Variants in PFKM observed in about 807,000 individuals in gnomAD.
PFKM encodes the protein phosphofructokinase, muscle.
A neutral mutation model predicts 95.5 loss-of-function variants in PFKM; 58 were observed. That is an observed-to-expected ratio of 0.61 (90% CI 0.49 to 0.76). The LOEUF is 0.76. PFKM is among the 30% of genes least tolerant of loss of function. The pLI is 0.00. For synonymous variants in PFKM, 336 were observed against 357.2 expected, an observed-to-expected ratio of 0.94 and a Z score of 0.67; for missense variants, 678 against 1,005.4, an observed-to-expected ratio of 0.67 and a Z score of 4.40.
rs12826853 is a variant in PFKM, at chr12:48,134,789, A to G, written c.707A>G (p.Asp236Gly). 7 of 1,614,148 alleles carry G rather than the reference A, an allele frequency of 4.3e-6. No homozygotes were observed. Among genetic ancestry groups the G allele is most frequent in the Non-Finnish European group, 8.5e-7 (1 of 1,180,002 alleles). ...GTTTTTATTCCTGAATGTCCACCAGATGACGACTGGGAGGAACACCTTTGT... is the reference window on the plus strand; with the variant it reads ...GTTTTTATTCCTGAATGTCCACCAGGTGACGACTGGGAGGAACACCTTTGT... ...DWVFIPECPP[D>G]DDWEEHLCRR... Residue 236 changes from aspartate to glycine, a missense_variant, in exon 8 of 23, where the codon GAT becomes GGT. Coordinates refer to ENST00000359794, the MANE Select transcript of PFKM (RefSeq NM_000289.6).
intron 2 of PFKM, among the ~76,000 whole-genome samples, chr12:48,129,151 A>G (rs2135818267): frequency 6.6e-6 from 1 of 151,832 alleles, no homozygotes; most frequent in African/African-American, 2.4e-5. Flanking sequence ...AAAAAGGGAA[A>G]AGGATTGCCT....
At position 48,139,830 on chromosome 12, in the gene PFKM, C is replaced by CGA; in HGVS notation, c.1128-19_1128-18insGA. ...GGGAATGGCCTGAAGACACCTCTCT[C>CGA]TATTTGTACTTCCTACAGGAGCTTC... is the stretch of plus-strand genomic sequence containing the variant. On this transcript the variant is annotated intron_variant, in intron 12 of 22. Coordinates refer to ENST00000359794, the MANE Select transcript of PFKM (RefSeq NM_000289.6). 6.4e-7 allele frequency: 1 copy of CGA among 1,567,750 alleles called. No homozygotes were observed. Among genetic ancestry groups the CGA allele is most frequent in the Non-Finnish European group, 8.8e-7 (1 of 1,138,038 alleles).
At chr12:48,109,727 C>T (rs561319349) in intron 3 of PFKM, among the ~76,000 whole-genome samples, 2 of 152,204 alleles carry the variant, frequency 1.3e-5, no homozygotes, top group Admixed American at 6.5e-5. Context: ...CACTCTTAAC[C>T]CTTTCAGCTT....
chr12:48,116,205 CCTT>C (rs1036303566), upstream of PFKM, among the ~76,000 whole-genome samples: 13 of 148,014 alleles, frequency 8.8e-5, no homozygotes, highest in South Asian at 2.2e-4. Context: ...TTCCCTCCTT[CCTT>C]CTTTTCTCCT....
At chr12:48,113,875 C>T (rs538058080) in intron 3 of PFKM, among the ~76,000 whole-genome samples, 7 of 152,220 alleles carry the variant, frequency 4.6e-5, no homozygotes, top group Non-Finnish European at 7.4e-5. Flanking sequence ...AATAAGGTGG[C>T]CTTCTGGCCT....
exon 1 of PFKM, chr12:48,105,975 G>A (rs890926164): frequency 2.9e-6 from 2 of 699,660 alleles, no homozygotes; most frequent in South Asian, 1.5e-5. Context: ...ACAGTCTCCT[G>A]GACCAGGCTC....
At position 48,119,370 on chromosome 12, in the gene PFKM, C is replaced by G; in HGVS notation, c.-45C>G. 1 of 985,674 alleles carries G rather than the reference C, an allele frequency of 1.0e-6. No individual in the cohort carries two copies. Among genetic ancestry groups the G allele is most frequent in the Non-Finnish European group, 1.2e-6 (1 of 830,086 alleles). The allele number at this position is 985,674 out of a possible 1,614,324, so 61.1% of individuals were successfully genotyped here. A position where few individuals can be genotyped will look rare whatever the true frequency, so the allele number is the denominator to read the frequency against. On this transcript the variant is annotated 5_prime_UTR_variant, in exon 1 of 23. Coordinates refer to ENST00000359794, the MANE Select transcript of PFKM (RefSeq NM_000289.6). ...TCCCCCCTTTCCCAAGGACAATCTG[C>G]AAGAAAGCAGCGGCGGAGGAGAGCT...
chr12:48,119,747 C>T (rs1948030383), intron 1 of PFKM: 1 of 152,168 alleles, frequency 6.6e-6, no homozygotes, highest in Non-Finnish European at 1.5e-5. Flanking sequence ...TCCTCCCTGC[C>T]GCGTGCTTAT....
At chr12:48,136,154 CG>C (rs1950071326) in intron 10 of PFKM, among the ~76,000 whole-genome samples, 2 of 152,098 alleles carry the variant, frequency 1.3e-5, no homozygotes, top group Admixed American at 6.5e-5. Flanking sequence ...CCCAAAATGC[CG>C]GGATTACAGG....
chr12:48,142,507 G>GTT, intron 17 of PFKM: 1 of 494,342 alleles, frequency 2.0e-6, no homozygotes, highest in South Asian at 2.1e-5. Context: ...AATACCAAAT[G>GTT]TTTTGTTTGT....
At chr12:48,107,875 G>T (rs1322741030) in intron 2 of PFKM, among the ~76,000 whole-genome samples, 1 of 152,144 alleles carries the variant, frequency 6.6e-6, no homozygotes, top group East Asian at 1.9e-4. Flanking sequence ...AAAGTATCTA[G>T]TTATATGTTC....
intron 11 of PFKM, among the ~76,000 whole-genome samples, chr12:48,138,662 C>T (rs188378728): frequency 1.4e-3 from 207 of 152,298 alleles, no homozygotes; most frequent in Non-Finnish European, 2.5e-3. Context: ...TTCATTTACT[C>T]ATGACTTTAG....
chr12:48,121,325 C>A (rs1343286517), intron 1 of PFKM, among the ~76,000 whole-genome samples: 2 of 152,156 alleles, frequency 1.3e-5, no homozygotes, highest in East Asian at 1.9e-4. Context: ...ATCTATAGGA[C>A]CAACAGTTGA....
intron 4 of PFKM, chr12:48,131,877 TC>T: frequency 2.7e-6 from 1 of 376,706 alleles, no homozygotes; most frequent in South Asian, 2.0e-5. Flanking sequence ...ATTTCCACAG[TC>T]CTTTATGCTA....
Position 48,107,628 on chromosome 12 carries a change from A to G in PFKM, c.82+173A>G, listed in dbSNP as rs10492080. ...TTGATCACTGAGTCGTGTATTTTCC[A>G]GGTAAGATTTTGACCTGGTTTGTTG... On this transcript the variant is annotated intron_variant, in intron 2 of 24. Coordinates refer to the PFKM transcript ENST00000340802. Among the ~76,000 whole-genome samples the G allele has an allele frequency of 0.23, 34,539 of 152,044 alleles. 4,668 individuals are homozygous for G. The highest frequency in any genetic ancestry group is 0.59 in the East Asian group (3,045 of 5,162).
rs767188581 is a variant in PFKM at position 48,141,757 on chromosome 12, G to A, written c.1430G>A (p.Ser477Asn). 4 of 1,612,914 alleles carry A rather than the reference G, an allele frequency of 2.5e-6. No homozygotes were observed. The highest frequency in any genetic ancestry group is 1.7e-6 in the Non-Finnish European group (2 of 1,178,902). ...TCAACTAGGACTCTACCCAAGAAGA[G>A]CTTTGAACAGATCAGTGCCAATATA... The part of the protein sequence containing the change: ...LGTKRTLPKK[S>N]FEQISANITK... The change falls in exon 16 of 23, where the codon AGC (serine) becomes AAC (asparagine). Residue 477 changes from serine to asparagine, a missense_variant. By Grantham distance (46) the Ser-to-Asn change is conservative. Coordinates refer to ENST00000359794, the MANE Select transcript of PFKM (RefSeq NM_000289.6).
intron 3 of PFKM, among the ~76,000 whole-genome samples, chr12:48,130,761 G>GAA (rs560177348): frequency 3.2e-4 from 48 of 152,320 alleles, no homozygotes; most frequent in Non-Finnish European, 6.3e-4. Context: ...ATATCCAGAG[G>GAA]AAGAGCCCCA....
intron 15 of PFKM, 66 bp from the exon 16 acceptor site, chr12:48,141,674 C>G: frequency 8.2e-7 from 1 of 1,216,488 alleles, no homozygotes; most frequent in Non-Finnish European, 1.2e-6. Context: ...TTCTCCCCCT[C>G]AATTTTCCTG....
At chr12:48,140,582 G>T (rs1263727777) in intron 13 of PFKM, 140 bp from the exon 14 acceptor site, 3 of 851,470 alleles carry the variant, frequency 3.5e-6, no homozygotes, top group African/African-American at 1.7e-5. Flanking sequence ...TTGGGAGAGG[G>T]GTGTGTGTTG....
Sources: gnomAD v4.1 joint callset for allele counts (sites outside exome capture counted in the v4.1 genomes callset) on GRCh38, gnomAD v4.1.1 for gene constraint, MANE v1.5 for transcripts, NCBI Gene and HGNC (gene_info 2026-07-23, HGNC 2026-07-21) for gene names.